PLK1: variants seen among roughly 807,000 people sequenced by gnomAD.
The protein encoded by PLK1 is polo like kinase 1.
PLK1 carries 6 observed loss-of-function variants against 56.7 expected under a neutral mutation model. The observed-to-expected ratio is 0.11, with a 90% CI of 0.06 to 0.21. The LOEUF is 0.21. PLK1 is among the 10% of genes least tolerant of loss of function. The pLI is 1.00. For missense variants in PLK1, 546 were observed against 814.4 expected (o/e 0.67, Z 4.01); for synonymous variants, 298 against 325.0 (o/e 0.92, Z 0.89).
intron 6 of PLK1, among the ~76,000 whole-genome samples, chr16:23,688,044 C>G (rs1959456839): frequency 6.6e-6 from 1 of 152,202 alleles, no homozygotes; most frequent in South Asian, 2.1e-4. Context: ...CCTGGCCCCT[C>G]TGCTGGTGCT....
chr16:23,684,617 T>C (rs1438092085), intron 5 of PLK1, among the ~76,000 whole-genome samples: 1 of 152,174 alleles, frequency 6.6e-6, no homozygotes, highest in Non-Finnish European at 1.5e-5. Context: ...CACCAAAGTG[T>C]TGGGATGACA....
At position 23,679,095 on chromosome 16, in the gene PLK1, C is replaced by A. The variant is rs984792608; in HGVS notation, c.163C>A (p.Arg55=). 1 of 1,609,596 alleles carries A rather than the reference C, an allele frequency of 6.2e-7. No individual in the cohort carries two copies. Among genetic ancestry groups the A allele is most frequent in the Non-Finnish European group, 8.5e-7 (1 of 1,176,734 alleles). ...CCCACGCAGCCGGCGGCGCTATGTG[C>A]GGGGCCGCTTTTTGGGCAAGGGCGG... ...VDPRSRRRYV[R]GRFLGKGGFA... The change falls in exon 1 of 10, where the codon CGG becomes AGG. Residue 55 remains arginine, a synonymous_variant. Transcript: ENST00000300093.
intron 5 of PLK1, among the ~76,000 whole-genome samples, chr16:23,684,937 C>T (rs1270903087): frequency 3.4e-5 from 4 of 118,978 alleles, no homozygotes; most frequent in Admixed American, 1.1e-4. Flanking sequence ...AGATTACAGG[C>T]GTGAACCACC....
In PLK1 at chr16:23,689,812, A is replaced by G. The variant is rs1444628276; in HGVS notation, c.1609-48A>G. 1.5e-5 allele frequency: 23 copies of G among 1,570,056 alleles called. No individual in the cohort carries two copies. Among genetic ancestry groups the G allele is most frequent in the Non-Finnish European group, 2.0e-5 (23 of 1,141,972 alleles). Reference sequence around the variant, plus strand: ...TTGTGTCTTCCCTCTACTCCCTAACATACACTGGCCTCTGGGATCGCCAAC... The same window carrying G: ...TTGTGTCTTCCCTCTACTCCCTAACGTACACTGGCCTCTGGGATCGCCAAC... On this transcript the variant is annotated intron_variant, in intron 9 of 9. Transcript: ENST00000300093. This position sits in a 1 kb window ranked among gnomAD's most constrained non-coding sequence, Gnocchi z 4.8.
chr16:23,689,305 T>C lies in PLK1; in HGVS notation c.1338T>C (p.Asn446=), dbSNP rs775793863. 2.5e-6 allele frequency: 4 copies of C among 1,613,922 alleles called. No individual in the cohort carries two copies. The highest frequency in any genetic ancestry group is 3.4e-6 in the Non-Finnish European group (4 of 1,179,836). ...FNDSTRLILY[N]DGDSLQYIER... ...ACTCAACACGCCTCATCCTCTACAA[T>C]GATGGTGACAGCCTGCAGTACATAG... is the stretch of plus-strand genomic sequence containing the variant. Residue 446 remains asparagine, a synonymous_variant, in exon 8 of 10, where the codon AAT becomes AAC. Coordinates refer to ENST00000300093, the MANE Select transcript of PLK1 (RefSeq NM_005030.6). The surrounding 1 kb of genome is among the most constrained non-coding windows in gnomAD (Gnocchi z 4.8).
rs755512074 is a variant in PLK1 at position 23,689,998 on chromosome 16, G to T, written c.1747G>T (p.Ala583Ser). 3 of 1,613,588 alleles carry T rather than the reference G, an allele frequency of 1.9e-6. No individual in the cohort carries two copies. The highest frequency in any genetic ancestry group is 2.5e-6 in the Non-Finnish European group (3 of 1,180,012). ...GGAGCTGGCCAGCCGGCTCCGCTACGCCCGCACTATGGTGGACAAGCTGCT... is the reference window on the plus strand; with the variant it reads ...GGAGCTGGCCAGCCGGCTCCGCTACTCCCGCACTATGGTGGACAAGCTGCT... ...CKELASRLRY[A>S]RTMVDKLLSS... The change falls in exon 10 of 10, where the codon GCC (alanine) becomes TCC (serine). Residue 583 changes from alanine to serine, a missense_variant. Coordinates refer to ENST00000300093, the MANE Select transcript of PLK1 (RefSeq NM_005030.6). The surrounding 1 kb of genome is among the most constrained non-coding windows in gnomAD (Gnocchi z 4.8).
At chr16:23,682,886 G>A (rs971319246) in intron 4 of PLK1, among the ~76,000 whole-genome samples, 4 of 151,672 alleles carry the variant, frequency 2.6e-5, no homozygotes, top group Non-Finnish European at 5.9e-5. Context: ...TTCCTGCCTT[G>A]GAGCACCTCA....
At chr16:23,684,119 A>AC (rs772262737) in intron 5 of PLK1, 30 bp downstream of exon 5, 78 of 1,571,664 alleles carry the variant, frequency 5.0e-5, no homozygotes, top group African/African-American at 1.9e-4. Context: ...AAGAGAGCAG[A>AC]CCCCCCAGAG....
At chr16:23,688,399 C>T (rs1959463579) in intron 6 of PLK1, among the ~76,000 whole-genome samples, 1 of 152,220 alleles carries the variant, frequency 6.6e-6, no homozygotes, top group East Asian at 1.9e-4. Context: ...GGTAGGCCTT[C>T]AGTAAATGGG....
chr16:23,679,039 C>G lies in PLK1; in HGVS notation c.107C>G (p.Pro36Arg). Residue 36 changes from proline to arginine, a missense_variant, in exon 1 of 10, where the codon CCG (proline) becomes CGG (arginine). Pro to Arg is a moderately radical substitution (Grantham distance 103). Around this residue, in one of 7 missense-constraint regions of PLK1, gnomAD observed 72 missense variants for 63.7 expected, o/e 1.13. Transcript: ENST00000300093. ...CCCGGAGCTCCGGCGGCGGCTCCAC[C>G]GGCGAAAGAGATCCCGGAGGTCCTA... ...AAPGAPAAAP[P>R]AKEIPEVLVD... 1.2e-6 allele frequency: 2 copies of G among 1,608,392 alleles called. No homozygotes were observed. The highest frequency in any genetic ancestry group is 1.7e-6 in the Non-Finnish European group (2 of 1,177,034).
Position 23,688,659 on chromosome 16 carries a change from C to G in PLK1, c.1193-9C>G. The stretch of plus-strand genomic sequence containing the variant: ...TGACCAACTAACTGTCTGTCTGTTT[C>G]TGTCTCAGAGGAGGCTGAGGATCCT... On this transcript the variant is annotated splice_polypyrimidine_tract_variant and intron_variant, in intron 6 of 9. Transcript: ENST00000300093. The G allele has an allele frequency of 4.4e-6, 7 of 1,608,656 alleles. No homozygotes were observed. The highest frequency in any genetic ancestry group is 6.0e-6 in the Non-Finnish European group (7 of 1,174,920).
chr16:23,683,285 C>T (rs1266105025), intron 4 of PLK1, among the ~76,000 whole-genome samples: 1 of 152,094 alleles, frequency 6.6e-6, no homozygotes, highest in Non-Finnish European at 1.5e-5. Flanking sequence ...AGCCACCGCG[C>T]CCGGCCATGG....
chr16:23,689,871 G>A lies in PLK1; in HGVS notation c.1620G>A (p.Lys540=), dbSNP rs766297818. 6.2e-7 allele frequency: 1 copy of A among 1,613,956 alleles called. No homozygotes were observed. Among genetic ancestry groups the A allele is most frequent in the South Asian group, 1.1e-5 (1 of 91,086 alleles). ...CTCTTCTCTTGCAGGATCACACCAAGCTCATCTTGTGCCCACTGATGGCAG... is the reference window on the plus strand; with the variant it reads ...CTCTTCTCTTGCAGGATCACACCAAACTCATCTTGTGCCCACTGATGGCAG... The part of the protein sequence containing the change: ...VQINFFQDHT[K]LILCPLMAAV... The change falls in exon 10 of 10, where the codon AAG becomes AAA. Residue 540 remains lysine (K), a synonymous_variant. Transcript: ENST00000300093. The surrounding 1 kb of genome is among the most constrained non-coding windows in gnomAD (Gnocchi z 4.8).
chr16:23,682,698 T>G (rs184315126), intron 4 of PLK1, among the ~76,000 whole-genome samples: 9,509 of 149,914 alleles, frequency 0.063, 642 homozygotes, highest in African/African-American at 0.16. Context: ...TTTTTTTTTT[T>G]TTTTTGTATT....
At chr16:23,687,716 G>T in intron 6 of PLK1, 92 bp downstream of exon 6, 1 of 925,340 alleles carries the variant, frequency 1.1e-6, no homozygotes, top group East Asian at 2.8e-5. Context: ...CTGGTGACTT[G>T]TTCAGGCCCT....
rs1353262765 is a variant in PLK1 at position 23,689,638 on chromosome 16, C to T, written c.1570C>T (p.His524Tyr). 10 of 1,611,386 alleles carry T rather than the reference C, an allele frequency of 6.2e-6. No individual in the cohort carries two copies. The African/African-American group carries it at 9.3e-5, about 15-fold the overall frequency. ...CCGCACCCGCAGCGCCATCATCCTG[C>T]ACCTCAGCAACGGCAGCGTGCAGAT... The part of the protein sequence containing the change: ...WFRTRSAIIL[H>Y]LSNGSVQINF... The change falls in exon 9 of 10, where the codon CAC (histidine) becomes TAC (tyrosine). Residue 524 changes from histidine (H) to tyrosine (Y), a missense_variant. Around this residue, in one of 7 missense-constraint regions of PLK1, gnomAD observed 113 missense variants for 202.0 expected, o/e 0.56. Transcript: ENST00000300093. This position sits in a 1 kb window ranked among gnomAD's most constrained non-coding sequence, Gnocchi z 4.8.
intron 1 of PLK1, 38 bp downstream of exon 1, chr16:23,679,378 G>T: frequency 3.2e-6 from 5 of 1,579,974 alleles, no homozygotes; most frequent in Non-Finnish European, 4.3e-6. Context: ...CTGCCTGCGG[G>T]GCAGTTGGAG....
chr16:23,688,921 T>TTC lies in PLK1; in HGVS notation c.1270+176_1270+177insTC, dbSNP rs61488357. ...CCCTGACTCCCCAGCTTTTTTTTTT[T>TTC]CCAGAGACAGGGTCCTGCTCTGTAG... is the stretch of plus-strand genomic sequence containing the variant. On this transcript the variant is annotated intron_variant, in intron 7 of 9. Transcript: ENST00000300093. 2.7e-3 allele frequency among the ~76,000 whole-genome samples: 417 copies of TTC among 151,722 alleles called. 2 individuals carry two copies. The highest frequency in any genetic ancestry group is 9.6e-3 in the African/African-American group (399 of 41,370).
At chr16:23,685,744 A>C (rs2140999841) in intron 5 of PLK1, among the ~76,000 whole-genome samples, 1 of 151,932 alleles carries the variant, frequency 6.6e-6, no homozygotes, top group Non-Finnish European at 1.5e-5. Context: ...TAAAGACAAG[A>C]TCTCACTATG....
Sources: allele counts gnomAD v4.1 joint callset (sites outside exome capture counted in the v4.1 genomes callset), GRCh38; gene constraint gnomAD v4.1.1; regional missense constraint gnomAD v4.1.1; non-coding constraint Gnocchi (gnomAD v3.1); transcripts MANE v1.5; gene names NCBI Gene and HGNC (gene_info 2026-07-23, HGNC 2026-07-21).